The following DRC8 variants were observed in gnomAD, a reference collection of about 807,000 sequenced individuals.
The protein encoded by DRC8 is dynein regulatory complex protein 8.
chr1:245,095,741 T>C, the DRC8 span, among the ~76,000 whole-genome samples: 66 of 152,346 alleles, frequency 4.3e-4, no homozygotes, highest in African/African-American at 1.4e-3. Context: ...GTTTTCACTA[T>C]TATAATAAAT....
the DRC8 span, among the ~76,000 whole-genome samples, chr1:245,000,849 A>G: frequency 2.6e-5 from 4 of 152,024 alleles, no homozygotes; most frequent in African/African-American, 7.2e-5. Context: ...TATTGAATGA[A>G]TGAAGAGGGG....
the DRC8 span, among the ~76,000 whole-genome samples, chr1:244,985,083 T>G: frequency 2.0e-4 from 7 of 34,370 alleles, no homozygotes; most frequent in African/African-American, 2.6e-4. Context: ...AGGGTTTTTT[T>G]TTTTTTTTTT....
chr1:245,120,115 A>C, the DRC8 span, among the ~76,000 whole-genome samples: 5 of 152,188 alleles, frequency 3.3e-5, no homozygotes, highest in Admixed American at 6.5e-5. Context: ...AATGAATAAA[A>C]TATATGTGGT....
At chr1:244,998,869 T>G in the DRC8 span, among the ~76,000 whole-genome samples, 1 of 152,012 alleles carries the variant, frequency 6.6e-6, no homozygotes, top group Non-Finnish European at 1.5e-5. Context: ...CTGCTTAGGA[T>G]TCAAAATCTT....
chr1:245,011,143 G>A, the DRC8 span, among the ~76,000 whole-genome samples: 3 of 152,116 alleles, frequency 2.0e-5, no homozygotes, highest in African/African-American at 7.2e-5. Flanking sequence ...TATAGACATA[G>A]CCTGAAGGTA....
chr1:245,042,439 G>C, the DRC8 span, among the ~76,000 whole-genome samples: 1 of 152,206 alleles, frequency 6.6e-6, no homozygotes, highest in Non-Finnish European at 1.5e-5. Flanking sequence ...TTTTTGAACA[G>C]AATAGCTCTG....
the DRC8 span, among the ~76,000 whole-genome samples, chr1:245,009,035 T>C: frequency 4.8e-4 from 60 of 125,160 alleles, no homozygotes; most frequent in African/African-American, 1.5e-3. Context: ...TTTCTTTTTT[T>C]TTTTTTTTTT....
chr1:245,013,185 A>G, the DRC8 span, among the ~76,000 whole-genome samples: 1 of 152,188 alleles, frequency 6.6e-6, no homozygotes, highest in Non-Finnish European at 1.5e-5. Flanking sequence ...CTATCTGTAA[A>G]TTGTTGAAGA....
the DRC8 span, chr1:245,121,895 C>CTTATTTTATT: frequency 8.9e-4 from 370 of 416,996 alleles, 3 homozygotes; most frequent in African/African-American, 7.3e-3. Flanking sequence ...TTTCTTTTTT[C>CTTATTTTATT]TTATTTTATT....
chr1:245,002,279 A>G, the DRC8 span: 2 of 1,488,394 alleles, frequency 1.3e-6, no homozygotes, highest in Non-Finnish European at 1.8e-6. Flanking sequence ...CAATCGCTTA[A>G]CCATCTCTCT....
At chr1:245,118,668 G>A in the DRC8 span, among the ~76,000 whole-genome samples, 296 of 152,152 alleles carry the variant, frequency 1.9e-3, 1 homozygote, top group African/African-American at 6.7e-3. Flanking sequence ...GTGCATGCCT[G>A]TAATCCCAGC....
chr1:245,101,523 T>TA, the DRC8 span, among the ~76,000 whole-genome samples: 1 of 152,216 alleles, frequency 6.6e-6, no homozygotes, highest in Non-Finnish European at 1.5e-5. Flanking sequence ...AGGTCTATAT[T>TA]AATACATTAT....
the DRC8 span, among the ~76,000 whole-genome samples, chr1:245,072,886 C>T: frequency 1.3e-5 from 2 of 152,056 alleles, no homozygotes; most frequent in African/African-American, 4.8e-5. Context: ...ATGTGATGTG[C>T]CTGTTGCCTC....
the DRC8 span, among the ~76,000 whole-genome samples, chr1:245,065,200 A>G: frequency 6.8e-6 from 1 of 147,754 alleles, no homozygotes; most frequent in Non-Finnish European, 1.5e-5. Context: ...TTACAGGCGC[A>G]TGCCATCACG....
chr1:245,100,346 C>T, the DRC8 span, among the ~76,000 whole-genome samples: 1 of 151,740 alleles, frequency 6.6e-6, no homozygotes, highest in Non-Finnish European at 1.5e-5. Context: ...GATCATGCCA[C>T]TGCACTCCAG....
the DRC8 span, among the ~76,000 whole-genome samples, chr1:245,004,891 T>A: frequency 6.6e-6 from 1 of 152,240 alleles, no homozygotes; most frequent in African/African-American, 2.4e-5. Context: ...ATAATAATTG[T>A]ACATATTTAT....
the DRC8 span, chr1:245,087,855 C>A: frequency 1.6e-6 from 1 of 641,170 alleles, no homozygotes; most frequent in Non-Finnish European, 1.9e-6. Context: ...TTATGAGTGC[C>A]AATTACAAAT....
chr1:245,050,468 G>A, the DRC8 span, among the ~76,000 whole-genome samples: 1 of 152,098 alleles, frequency 6.6e-6, no homozygotes, highest in African/African-American at 2.4e-5. Flanking sequence ...TTTCCCTAGT[G>A]CTGAGGGGGT....
At chr1:245,111,120 TA>T in the DRC8 span, among the ~76,000 whole-genome samples, 1 of 152,254 alleles carries the variant, frequency 6.6e-6, no homozygotes, top group Non-Finnish European at 1.5e-5. Context: ...GCTTTGCTGT[TA>T]AAAATTAACT....
Sources: gnomAD v4.1 joint callset for allele counts (sites outside exome capture counted in the v4.1 genomes callset) on GRCh38, gnomAD v4.1.1 for gene constraint, MANE v1.5 for transcripts, NCBI Gene and HGNC (gene_info 2026-07-23, HGNC 2026-07-21) for gene names.